The following HNF4G variants were observed in gnomAD, a reference collection of about 807,000 sequenced individuals.
The protein encoded by HNF4G is hepatocyte nuclear factor 4-gamma.
Under a neutral mutation model 50.9 loss-of-function variants are expected in HNF4G, and 21 were observed. The observed-to-expected ratio is 0.41, with a 90% CI of 0.29 to 0.59. The LOEUF (loss-of-function observed/expected upper bound fraction) is 0.59, where lower values mean the gene tolerates loss of function less well. Ranked by LOEUF, HNF4G falls within the 20% of genes least tolerant of loss-of-function variation. The probability of loss-of-function intolerance (pLI) is 0.26; values close to 1 mark genes in which losing one functional copy is unlikely to be tolerated. For missense variants in HNF4G, 527 were observed against 559.4 expected (o/e 0.94, Z 0.58); for synonymous variants, 198 against 185.6 (o/e 1.07, Z -0.54).
chr8:75,530,794 CTTT>C (rs71567126), intron 2 of HNF4G, among the ~76,000 whole-genome samples: 3 of 132,144 alleles, frequency 2.3e-5, no homozygotes, highest in Admixed American at 1.5e-4. Context: ...GTTCAATGTG[CTTT>C]TTTTTTTTTT....
At chr8:75,533,813 C>G (rs1363540567) in intron 2 of HNF4G, among the ~76,000 whole-genome samples, 1 of 151,796 alleles carries the variant, frequency 6.6e-6, no homozygotes, top group Non-Finnish European at 1.5e-5. Context: ...CCATATGTAT[C>G]TAAGAAAGCT....
chr8:75,470,221 A>G (rs539765277), intron 1 of HNF4G, among the ~76,000 whole-genome samples: 1 of 152,346 alleles, frequency 6.6e-6, no homozygotes, highest in East Asian at 1.9e-4. Context: ...ACAACTACCC[A>G]TTCAAGAATT....
intron 1 of HNF4G, among the ~76,000 whole-genome samples, chr8:75,489,908 G>A (rs1244431863): frequency 6.6e-6 from 1 of 152,126 alleles, no homozygotes; most frequent in Admixed American, 6.5e-5. Flanking sequence ...TGGCACTAGA[G>A]TTTTCTTAAG....
intron 1 of HNF4G, among the ~76,000 whole-genome samples, chr8:75,443,619 C>A (rs1268320764): frequency 6.6e-6 from 1 of 152,110 alleles, no homozygotes; most frequent in Non-Finnish European, 1.5e-5. Context: ...CCTTAGTCAC[C>A]AGAGTGGTGG....
intron 1 of HNF4G, among the ~76,000 whole-genome samples, chr8:75,415,854 G>T (rs2130473600): frequency 6.6e-6 from 1 of 152,268 alleles, no homozygotes; most frequent in African/African-American, 2.4e-5. Context: ...GTCTACAAAG[G>T]CTCAGAAGGG....
intron 1 of HNF4G, among the ~76,000 whole-genome samples, chr8:75,487,663 T>C (rs1467689189): frequency 1.3e-5 from 2 of 152,210 alleles, no homozygotes; most frequent in Non-Finnish European, 2.9e-5. Flanking sequence ...AATTTTCCTC[T>C]GAATTTCAGG....
chr8:75,473,343 T>A (rs538814584), intron 1 of HNF4G, among the ~76,000 whole-genome samples: 1 of 152,194 alleles, frequency 6.6e-6, no homozygotes, highest in Non-Finnish European at 1.5e-5. Context: ...TTTAGATTTA[T>A]ATGTGATACA....
chr8:75,503,706 G>T (rs557746847), intron 2 of HNF4G, among the ~76,000 whole-genome samples: 28 of 152,314 alleles, frequency 1.8e-4, no homozygotes, highest in Middle Eastern at 3.4e-3. Flanking sequence ...ACAAAGAGGA[G>T]TGGAGTCCTT....
At chr8:75,507,302 C>T (rs1040272863) in intron 2 of HNF4G, among the ~76,000 whole-genome samples, 4 of 150,926 alleles carry the variant, frequency 2.7e-5, no homozygotes, top group African/African-American at 9.8e-5. Flanking sequence ...CTCTCTCGCC[C>T]AGGCTGGAGT....
Position 75,556,023 on chromosome 8 carries a change from T to C in HNF4G, c.687T>C (p.Leu229=). The change falls in exon 6 of 10, where the codon CTT becomes CTC. Residue 229 remains leucine (L), a synonymous_variant. Coordinates refer to ENST00000396423, the MANE Select transcript of HNF4G (RefSeq NM_004133.5). ...CTCACGCAGGGGAGCACTTACTGCT[T>C]GGAGCTACAAAGAGATCCATGATGT... ...LRAHAGEHLL[L]GATKRSMMYK... is the part of the protein sequence containing the mutation. The C allele has an allele frequency of 6.3e-7, 1 of 1,588,362 alleles. No homozygotes were observed.
At chr8:75,559,093 T>C in intron 8 of HNF4G, 56 bp downstream of exon 8, 2 of 1,132,280 alleles carry the variant, frequency 1.8e-6, no homozygotes, top group South Asian at 1.3e-5. Flanking sequence ...AAATATAAGT[T>C]TGACCTACTG....
At chr8:75,414,278 CT>C (rs930870310) in intron 1 of HNF4G, among the ~76,000 whole-genome samples, 19 of 150,432 alleles carry the variant, frequency 1.3e-4, no homozygotes, top group Non-Finnish European at 2.2e-4. Flanking sequence ...CCTTTTATGT[CT>C]TTTTTTTTAA....
intron 2 of HNF4G, among the ~76,000 whole-genome samples, chr8:75,492,774 C>A (rs1236087838): frequency 6.6e-6 from 1 of 152,054 alleles, no homozygotes; most frequent in Non-Finnish European, 1.5e-5. Context: ...CTCACAGAAA[C>A]CACTCAAGGA....
chr8:75,534,298 A>G (rs1281112800), intron 2 of HNF4G, among the ~76,000 whole-genome samples: 1 of 151,882 alleles, frequency 6.6e-6, no homozygotes, highest in Non-Finnish European at 1.5e-5. Flanking sequence ...TCTACATTCC[A>G]GTTAATAATT....
At chr8:75,461,859 G>A (rs544272170) in intron 1 of HNF4G, among the ~76,000 whole-genome samples, 1 of 133,356 alleles carries the variant, frequency 7.5e-6, no homozygotes, top group African/African-American at 3.2e-5. Context: ...GAAGTCATGT[G>A]AATATGGTCT....
intron 1 of HNF4G, among the ~76,000 whole-genome samples, chr8:75,478,602 T>C (rs1812296626): frequency 6.6e-6 from 1 of 152,152 alleles, no homozygotes; most frequent in Non-Finnish European, 1.5e-5. Context: ...ATCAGATAAA[T>C]TTAGGCTTTG....
At chr8:75,557,070 A>G (rs1807149154) in intron 6 of HNF4G, among the ~76,000 whole-genome samples, 1 of 152,186 alleles carries the variant, frequency 6.6e-6, no homozygotes, top group Middle Eastern at 3.2e-3. Context: ...CTGAAATGCT[A>G]TTAAATACCT....
In HNF4G at chr8:75,465,079, A is replaced by G. The variant is rs1366693256; in HGVS notation, c.-143-25010A>G. On this transcript the variant is annotated intron_variant, in intron 1 of 10. Transcript: ENST00000354370. ...AGTCATCTTGTTTATCCTAACTGGA[A>G]CTCTTGTTTTTGGTTGACTTCCTAA... Among the ~76,000 whole-genome samples, 3 of 152,012 alleles carry G rather than the reference A, an allele frequency of 2.0e-5. No homozygotes were observed. The East Asian group carries it at 5.8e-4, about 29-fold the overall frequency.
intron 1 of HNF4G, among the ~76,000 whole-genome samples, chr8:75,408,365 T>C (rs1265740462): frequency 6.6e-6 from 1 of 152,004 alleles, no homozygotes; most frequent in Non-Finnish European, 1.5e-5. Context: ...TCCGTGTAAG[T>C]ACTTCTGTGG....
Sources: gnomAD v4.1 joint callset for allele counts (sites outside exome capture counted in the v4.1 genomes callset) on GRCh38, gnomAD v4.1.1 for gene constraint, MANE v1.5 for transcripts, NCBI Gene and HGNC (gene_info 2026-07-23, HGNC 2026-07-21) for gene names.